SUMF2: variants seen among roughly 807,000 people sequenced by gnomAD.
The protein encoded by SUMF2 is sulfatase modifying factor 2.
In SUMF2, 45 loss-of-function variants were observed where a neutral mutation model predicts 44.8. The observed-to-expected ratio is 1.00, with a 90% CI of 0.79 to 1.29. The LOEUF (loss-of-function observed/expected upper bound fraction) is 1.29. Among genes scored for constraint, SUMF2 ranks in the 50% most tolerant of loss-of-function variants. The pLI is 0.00. For synonymous variants in SUMF2, 148 were observed against 150.4 expected (o/e 0.98, Z 0.12); for missense variants, 418 against 389.9 (o/e 1.07, Z -0.61).
intron 5 of SUMF2, among the ~76,000 whole-genome samples, chr7:56,075,715 A>C (rs1055716257): frequency 4.6e-5 from 7 of 151,400 alleles, no homozygotes; most frequent in African/African-American, 1.7e-4. Flanking sequence ...AAAAAAAAAG[A>C]ATCACTGTTT....
At chr7:56,082,391 G>A (rs568732075), downstream of SUMF2, 17 of 619,834 alleles carry the variant, frequency 2.7e-5, no homozygotes, top group Middle Eastern at 8.7e-4. Context: ...CCAGGAGTTC[G>A]AGACCAGCCT....
At chr7:56,064,597 G>C (rs1318091312) in intron 1 of SUMF2, among the ~76,000 whole-genome samples, 3 of 152,188 alleles carry the variant, frequency 2.0e-5, no homozygotes, top group Non-Finnish European at 2.9e-5. Context: ...AGAGAGGCCG[G>C]GCGCGGTGGC....
downstream of SUMF2, chr7:56,083,244 G>A: frequency 6.2e-7 from 1 of 1,607,990 alleles, no homozygotes; most frequent in Non-Finnish European, 8.5e-7. Context: ...GAGCACCCGA[G>A]GCCTGGACGT....
Position 56,080,126 on chromosome 7 carries a change from TG to T in SUMF2, c.*515del, listed in dbSNP as rs1430066316. 1.0e-5 allele frequency: 5 copies of T among 492,532 alleles called. No individual in the cohort carries two copies. The East Asian group carries it at 1.8e-4, about 18-fold the overall frequency. 30.5% of individuals were successfully genotyped at this position (492,532 alleles called of 1,614,324 possible). A position where few individuals can be genotyped will look rare whatever the true frequency, so the allele number is the denominator to read the frequency against. ...GTTTCCACTGTGTAACAGGCAGACA[TG>T]TAACTATTTAAAGCACAGTTCAGTC... is the stretch of plus-strand genomic sequence containing the variant. On this transcript the variant is annotated 3_prime_UTR_variant, in exon 9 of 9. Transcript: ENST00000434526.
chr7:56,076,176 G>A lies in SUMF2; in HGVS notation c.536-658G>A, dbSNP rs113375791. Among the ~76,000 whole-genome samples the A allele has an allele frequency of 7.0e-3, 1,072 of 152,208 alleles. 19 individuals carry two copies. Among genetic ancestry groups the A allele is most frequent in the African/African-American group, 0.025 (1,036 of 41,528 alleles). ...CAAGTAGCTGGGACTACAGGCGCCC[G>A]CCACCTCGCCCGGCTAATTTTTTGT... On this transcript the variant is annotated intron_variant, in intron 5 of 8. Transcript: ENST00000434526.
chr7:56,075,356 C>T (rs912863173), intron 5 of SUMF2, among the ~76,000 whole-genome samples: 5 of 151,252 alleles, frequency 3.3e-5, no homozygotes, highest in Admixed American at 6.6e-5. Flanking sequence ...AAAGAATTAC[C>T]AAGACTACAC....
intron 2 of SUMF2, among the ~76,000 whole-genome samples, 165 bp from the exon 3 acceptor site, chr7:56,072,832 A>G (rs908118495): frequency 6.6e-6 from 1 of 152,226 alleles, no homozygotes; most frequent in Non-Finnish European, 1.5e-5. Flanking sequence ...TTGTATTCTA[A>G]TTTAAAAGAA....
In SUMF2 at chr7:56,073,651, A is replaced by G. The variant is rs145336824; in HGVS notation, c.340-523A>G. On this transcript the variant is annotated intron_variant, in intron 3 of 8. Transcript: ENST00000434526. ...AGAGTGAGACTGTGTCTCAAAAGAA[A>G]AAAAAAAAGAGAGATCACCTTGGCA... 1,437 of 175,432 alleles carry G rather than the reference A, an allele frequency of 8.2e-3. 22 individuals are homozygous for G. Among genetic ancestry groups the G allele is most frequent in the African/African-American group, 0.032 (1,330 of 41,800 alleles). 10.9% of individuals were successfully genotyped at this position (175,432 alleles called of 1,614,324 possible).
intron 8 of SUMF2, chr7:56,078,799 C>T: frequency 2.3e-6 from 1 of 434,696 alleles, no homozygotes; most frequent in East Asian, 3.4e-5. Flanking sequence ...TTGTCCTTAC[C>T]ACTAGGTGGG....
chr7:56,086,843 A>G, the SUMF2 span: 1 of 788,974 alleles, frequency 1.3e-6, no homozygotes, highest in Non-Finnish European at 2.3e-6. Context: ...CTGTCTAAAC[A>G]CCGTGATTGT....
At chr7:56,084,673 G>A (rs1006660353), downstream of SUMF2, among the ~76,000 whole-genome samples, 5 of 151,866 alleles carry the variant, frequency 3.3e-5, no homozygotes, top group Non-Finnish European at 7.4e-5. Context: ...ACGCCTGGCC[G>A]AGTATCCCGA....
At chr7:56,081,417 C>T (rs11238392), downstream of SUMF2, 277,390 of 1,347,918 alleles carry the variant, frequency 0.21, 30,435 homozygotes, top group Middle Eastern at 0.26. This position sits in a 1 kb window ranked among gnomAD's most constrained non-coding sequence, Gnocchi z 4.6. Flanking sequence ...TCTGCGGGGC[C>T]TTCCTAGTGT....
downstream of SUMF2, chr7:56,082,318 C>T (rs1045533088): frequency 6.3e-5 from 80 of 1,264,674 alleles, no homozygotes; most frequent in South Asian, 2.4e-4. Context: ...CCAGGCTGGC[C>T]GCAGTGGCTC....
chr7:56,081,638 T>A, downstream of SUMF2: 1 of 1,613,302 alleles, frequency 6.2e-7, no homozygotes. The surrounding 1 kb of genome is among the most constrained non-coding windows in gnomAD (Gnocchi z 4.6). Context: ...ACCTTGAACT[T>A]CCCCCGGGGG....
downstream of SUMF2, chr7:56,082,398 G>T: frequency 1.6e-6 from 1 of 606,254 alleles, no homozygotes; most frequent in Non-Finnish European, 2.9e-6. Context: ...TTCGAGACCA[G>T]CCTGGCCAAC....
At position 56,078,137 on chromosome 7, in the gene SUMF2, C is replaced by T. The variant is rs768927086; in HGVS notation, c.627C>T (p.Gly209=). Residue 209 remains glycine (G), a synonymous_variant, in exon 7 of 9, where the codon GGC becomes GGT. Coordinates refer to ENST00000434526, the MANE Select transcript of SUMF2 (RefSeq NM_015411.4). ...KFPKGDKAED[G]FHGVSPVNAF... is the part of the protein sequence containing the mutation. ...CCAAGGGAGACAAAGCTGAGGATGG[C>T]TTCCATGGAGTCTCCCCAGTGAATG... 1.2e-6 allele frequency: 2 copies of T among 1,613,086 alleles called. No homozygotes were observed. Among genetic ancestry groups the T allele is most frequent in the African/African-American group, 2.7e-5 (2 of 75,042 alleles).
downstream of SUMF2, chr7:56,084,098 A>T (rs1796145880): frequency 2.0e-6 from 2 of 1,009,500 alleles, no homozygotes; most frequent in Non-Finnish European, 3.0e-6. Context: ...GGATGGCTAG[A>T]AGTGACCAGG....
chr7:56,084,280 G>A (rs1796155566), downstream of SUMF2: 1 of 1,252,892 alleles, frequency 8.0e-7, no homozygotes, highest in South Asian at 1.3e-5. Flanking sequence ...GATGTATCGG[G>A]GCCTAAATGA....
intron 3 of SUMF2, chr7:56,073,473 G>A (rs771989252): frequency 2.1e-4 from 67 of 321,864 alleles, no homozygotes; most frequent in Non-Finnish European, 3.3e-4. Context: ...GCGAAACCCC[G>A]TCTATACTAA....
Sources: allele counts gnomAD v4.1 joint callset (sites outside exome capture counted in the v4.1 genomes callset), GRCh38; gene constraint gnomAD v4.1.1; non-coding constraint Gnocchi (gnomAD v3.1); transcripts MANE v1.5; gene names NCBI Gene and HGNC (gene_info 2026-07-23, HGNC 2026-07-21).